The following PLEKHA5 variants were observed in gnomAD, a reference collection of about 807,000 sequenced individuals.
PLEKHA5 encodes the protein pleckstrin homology domain-containing family A member 5.
PLEKHA5 carries 55 observed loss-of-function variants against 181.9 expected under a neutral mutation model. That is an observed-to-expected ratio of 0.30 (90% CI 0.24 to 0.38). PLEKHA5 has a LOEUF of 0.38. PLEKHA5 is among the 10% of genes least tolerant of loss of function. The probability of loss-of-function intolerance (pLI) is 1.00; values close to 1 mark genes in which losing one functional copy is unlikely to be tolerated. For missense variants in PLEKHA5, 1,432 were observed against 1,549.5 expected, an observed-to-expected ratio of 0.92 and a Z score of 1.27; for synonymous variants, 535 against 529.4, an observed-to-expected ratio of 1.01 and a Z score of -0.15.
chr12:19,361,825 G>C (rs904122059), intron 29 of PLEKHA5, 119 bp downstream of exon 29: 2 of 834,368 alleles, frequency 2.4e-6, no homozygotes, highest in Admixed American at 5.2e-5. Context: ...AGGAGCTATA[G>C]AATCTTGAGC....
chr12:19,150,594 C>T (rs2040148556), intron 3 of PLEKHA5: 2 of 152,188 alleles, frequency 1.3e-5, no homozygotes, highest in Admixed American at 6.5e-5. Flanking sequence ...AAGAATAGTG[C>T]CTTTCTGTTC....
intron 3 of PLEKHA5, among the ~76,000 whole-genome samples, chr12:19,245,750 A>G (rs946487299): frequency 7.6e-6 from 1 of 131,392 alleles, no homozygotes; most frequent in Non-Finnish European, 1.7e-5. Flanking sequence ...AAAAAAAAAA[A>G]CCTTCCTTTT....
chr12:19,246,762 A>G (rs550051485), intron 3 of PLEKHA5, among the ~76,000 whole-genome samples: 134 of 152,284 alleles, frequency 8.8e-4, no homozygotes, highest in African/African-American at 3.1e-3. Flanking sequence ...GAAGTTTCGC[A>G]TGGTTTTGGT....
intron 22 of PLEKHA5, among the ~76,000 whole-genome samples, chr12:19,344,558 A>C (rs748199637): frequency 2.0e-5 from 3 of 152,222 alleles, no homozygotes; most frequent in African/African-American, 7.2e-5. Context: ...GAACATTATT[A>C]ATACATACAA....
chr12:19,314,905 G>A lies in PLEKHA5; in HGVS notation c.2118+11G>A. On this transcript the variant is annotated intron_variant, in intron 16 of 31. Transcript: ENST00000429027. The stretch of plus-strand genomic sequence containing the variant: ...CAACTGTACCAGCAAGTAAGGTCTT[G>A]GACAGTGAATGATACTGCTTTATCA... The A allele has an allele frequency of 6.9e-7, 1 of 1,450,392 alleles. No individual in the cohort carries two copies. Among genetic ancestry groups the A allele is most frequent in the South Asian group, 1.2e-5 (1 of 82,024 alleles). 89.8% of individuals were successfully genotyped at this position (1,450,392 alleles called of 1,614,324 possible).
chr12:19,196,618 AACCCTGTTTT>A (rs751354891), intron 3 of PLEKHA5, among the ~76,000 whole-genome samples: 8 of 152,140 alleles, frequency 5.3e-5, no homozygotes, highest in Admixed American at 2.6e-4. Flanking sequence ...CTAGCAGAGA[AACCCTGTTTT>A]ACCTTTCCTC....
chr12:19,366,419 C>G (rs2095424258), intron 30 of PLEKHA5, among the ~76,000 whole-genome samples: 1 of 152,088 alleles, frequency 6.6e-6, no homozygotes, highest in Admixed American at 6.6e-5. Flanking sequence ...TTTTGGGAGG[C>G]CGAGGCAGGT....
At chr12:19,235,122 C>G (rs779815927) in intron 3 of PLEKHA5, among the ~76,000 whole-genome samples, 3 of 152,186 alleles carry the variant, frequency 2.0e-5, no homozygotes, top group Non-Finnish European at 2.9e-5. Context: ...CACTACTTCT[C>G]TAAAACATAT....
chr12:19,197,274 T>C (rs2053036565), intron 3 of PLEKHA5, among the ~76,000 whole-genome samples: 1 of 152,120 alleles, frequency 6.6e-6, no homozygotes, highest in Middle Eastern at 3.2e-3. Context: ...ATCCTGCTGG[T>C]CTCCCATTCA....
chr12:19,348,263 G>A, intron 24 of PLEKHA5, 136 bp from the exon 25 acceptor site: 1 of 595,190 alleles, frequency 1.7e-6, no homozygotes, highest in Non-Finnish European at 2.9e-6. Flanking sequence ...TTGTGACATA[G>A]GTATTATTTG....
chr12:19,204,369 A>T (rs566657885), intron 3 of PLEKHA5, among the ~76,000 whole-genome samples: 1 of 152,086 alleles, frequency 6.6e-6, no homozygotes, highest in Non-Finnish European at 1.5e-5. Context: ...CCAAGGTGAA[A>T]GTGGAAAGTA....
intron 20 of PLEKHA5, among the ~76,000 whole-genome samples, chr12:19,326,317 A>C (rs1360841420): frequency 1.3e-5 from 2 of 152,236 alleles, no homozygotes; most frequent in East Asian, 3.9e-4. Flanking sequence ...GTTGGCACTC[A>C]GTGAATGTTG....
chr12:19,292,446 T>G (rs558334966), intron 15 of PLEKHA5, among the ~76,000 whole-genome samples: 97 of 150,722 alleles, frequency 6.4e-4, no homozygotes, highest in African/African-American at 2.2e-3. Context: ...AGGGAGGGAG[T>G]AAGGGAGGAA....
intron 10 of PLEKHA5, among the ~76,000 whole-genome samples, chr12:19,272,761 G>T (rs887836144): frequency 6.6e-6 from 1 of 152,154 alleles, no homozygotes; most frequent in Non-Finnish European, 1.5e-5. Context: ...TAATAATCAT[G>T]ATGACAGTAA....
chr12:19,268,668 C>T (rs1047823095), intron 8 of PLEKHA5, among the ~76,000 whole-genome samples: 7 of 152,144 alleles, frequency 4.6e-5, no homozygotes, highest in African/African-American at 1.7e-4. Flanking sequence ...TAAATATTTC[C>T]ATTTGACTGA....
intron 3 of PLEKHA5, among the ~76,000 whole-genome samples, chr12:19,222,983 T>A (rs1041166900): frequency 6.0e-5 from 9 of 148,956 alleles, no homozygotes; most frequent in African/African-American, 2.2e-4. Flanking sequence ...AAACAATAGA[T>A]GTGAGTGAAA....
intron 3 of PLEKHA5, among the ~76,000 whole-genome samples, chr12:19,194,796 A>T (rs1028913680): frequency 6.6e-6 from 1 of 152,210 alleles, no homozygotes; most frequent in Admixed American, 6.5e-5. Context: ...GAAATCTCAG[A>T]TGAAATACAT....
At chr12:19,247,755 TAA>T (rs1187794806) in intron 3 of PLEKHA5, among the ~76,000 whole-genome samples, 4 of 144,140 alleles carry the variant, frequency 2.8e-5, no homozygotes, top group Non-Finnish European at 3.0e-5. Flanking sequence ...TTTCTTTTTT[TAA>T]AAAAAAAAAA....
intron 3 of PLEKHA5, among the ~76,000 whole-genome samples, chr12:19,195,615 G>A (rs1192625511): frequency 6.9e-6 from 1 of 144,996 alleles, no homozygotes; most frequent in Non-Finnish European, 1.5e-5. Context: ...AGCTGCAGCA[G>A]TGCGCTGAGA....
Sources: allele counts gnomAD v4.1 joint callset (sites outside exome capture counted in the v4.1 genomes callset), GRCh38; gene constraint gnomAD v4.1.1; transcripts MANE v1.5; gene names NCBI Gene and HGNC (gene_info 2026-07-23, HGNC 2026-07-21).